Variants in LDLRAD1 observed in about 807,000 individuals in gnomAD.
LDLRAD1 encodes low density lipoprotein receptor class A domain containing 1, also known as low-density lipoprotein receptor class A domain-containing protein 1.
Under a neutral mutation model 24.8 loss-of-function variants are expected in LDLRAD1, and 17 were observed. That is an observed-to-expected ratio of 0.69 (90% confidence interval 0.47 to 1.03). The LOEUF is 1.03. LDLRAD1 is among the 50% of genes least tolerant of loss of function. The pLI, the probability that LDLRAD1 is intolerant of heterozygous loss-of-function variation, is 0.00. For missense variants in LDLRAD1, 277 were observed against 271.0 expected, an observed-to-expected ratio of 1.02 and a Z score of -0.16; for synonymous variants, 103 against 108.2, an observed-to-expected ratio of 0.95 and a Z score of 0.30.
intron 3 of LDLRAD1, among the ~76,000 whole-genome samples, chr1:54,013,859 C>T (rs969163807): frequency 1.3e-5 from 2 of 152,068 alleles, no homozygotes; most frequent in Non-Finnish European, 2.9e-5. Context: ...GTCACCCGGT[C>T]CCCTGTGGTG....
At chr1:54,013,943 G>T (rs193289027) in intron 3 of LDLRAD1, among the ~76,000 whole-genome samples, 1 of 152,038 alleles carries the variant, frequency 6.6e-6, no homozygotes, top group Non-Finnish European at 1.5e-5. Context: ...AGGGACTGGG[G>T]GGCTGAGAAG....
chr1:54,012,373 G>T, intron 3 of LDLRAD1, 93 bp from the exon 4 acceptor site: 2 of 1,411,720 alleles, frequency 1.4e-6, no homozygotes, highest in Non-Finnish European at 2.0e-6. Context: ...CTGGCCTGAG[G>T]GGCTGGGGCA....
At position 54,008,973 on chromosome 1, in the gene LDLRAD1, G is replaced by A; in HGVS notation, c.*9C>T. 2 of 1,609,468 alleles carry A rather than the reference G, an allele frequency of 1.2e-6. No homozygotes were observed. The highest frequency in any genetic ancestry group is 1.7e-6 in the Non-Finnish European group (2 of 1,176,898). On this transcript the variant is annotated 3_prime_UTR_variant, in exon 6 of 6. Coordinates refer to ENST00000371360, the MANE Select transcript of LDLRAD1 (RefSeq NM_001010978.4). ...CAGCCAGCCTTCCATGCTGGCCTGA[G>A]TGGCCCACTCAGGGTCCGGGACAGG... is the stretch of plus-strand genomic sequence containing the variant.
intron 3 of LDLRAD1, among the ~76,000 whole-genome samples, chr1:54,013,945 G>T (rs1210849041): frequency 1.3e-5 from 2 of 151,882 alleles, no homozygotes; most frequent in Non-Finnish European, 1.5e-5. Flanking sequence ...GGACTGGGGG[G>T]CTGAGAAGAG....
At chr1:54,013,202 C>T (rs748769664) in intron 3 of LDLRAD1, among the ~76,000 whole-genome samples, 2 of 152,132 alleles carry the variant, frequency 1.3e-5, no homozygotes, top group African/African-American at 2.4e-5. Context: ...TGTGCACACA[C>T]GCACTGACAC....
At position 54,017,360 on chromosome 1, in the gene LDLRAD1, C is replaced by A; in HGVS notation, c.73+16G>T. 1.3e-6 allele frequency: 2 copies of A among 1,589,302 alleles called. No homozygotes were observed. The highest frequency in any genetic ancestry group is 1.7e-6 in the Non-Finnish European group (2 of 1,166,514). ...AGCCCCACAGGGCACTGGCCCCAGGCCCTCCAGTTCTTTACCTTCCCCTCC... is the reference window on the plus strand; with the variant it reads ...AGCCCCACAGGGCACTGGCCCCAGGACCTCCAGTTCTTTACCTTCCCCTCC... On this transcript the variant is annotated intron_variant, in intron 2 of 5. Coordinates refer to ENST00000371360, the MANE Select transcript of LDLRAD1 (RefSeq NM_001010978.4).
At position 54,017,392 on chromosome 1, in the gene LDLRAD1, G is replaced by A; in HGVS notation, c.57C>T (p.Ala19=). 3 of 1,603,562 alleles carry A rather than the reference G, an allele frequency of 1.9e-6. No individual in the cohort carries two copies. The highest frequency in any genetic ancestry group is 1.7e-4 in the Middle Eastern group (1 of 6,030). ...GTTCTTTACCTTCCCCTCCAGGGTG[G>A]GCTTTGGATTCAGCAGCAGTGTAGC... ...ENGYTAAESK[A]HPGGEAGGGH... The change falls in exon 2 of 6, where the codon GCC becomes GCT. Residue 19 remains alanine, a synonymous_variant. Coordinates refer to ENST00000371360, the MANE Select transcript of LDLRAD1 (RefSeq NM_001010978.4).
chr1:54,017,511 G>T, intron 1 of LDLRAD1, 84 bp from the exon 2 acceptor site: 1 of 1,189,404 alleles, frequency 8.4e-7, no homozygotes, highest in Non-Finnish European at 1.2e-6. Context: ...TTTTCAGAGG[G>T]GTCACTGAGA....
chr1:54,008,817 A>G lies in LDLRAD1; in HGVS notation c.*165T>C. 1.5e-6 allele frequency: 1 copy of G among 652,698 alleles called. No individual in the cohort carries two copies. Among genetic ancestry groups the G allele is most frequent in the Non-Finnish European group, 2.6e-6 (1 of 378,084 alleles). The allele number at this position is 652,698 out of a possible 1,614,324, so 40.4% of individuals were successfully genotyped here. On this transcript the variant is annotated 3_prime_UTR_variant, in exon 6 of 6. Transcript: ENST00000371360. The stretch of plus-strand genomic sequence containing the variant: ...CTGGTCATTGGAAGCATTCAAGCAG[A>G]GGCTGAACAACTTGAAAGGAGGAGA...
chr1:54,017,444 A>G lies in LDLRAD1; in HGVS notation c.22-17T>C. 6.3e-7 allele frequency: 1 copy of G among 1,593,762 alleles called. No homozygotes were observed. The highest frequency in any genetic ancestry group is 8.6e-7 in the Non-Finnish European group (1 of 1,168,640). On this transcript the variant is annotated splice_polypyrimidine_tract_variant and intron_variant, in intron 1 of 5. Coordinates refer to ENST00000371360, the MANE Select transcript of LDLRAD1 (RefSeq NM_001010978.4). ...ATTCTCTCCCTGCCCAAGAGAACAGAGTGAGGGGTGGGCTTAGGTGAGGTG... is the reference window on the plus strand; with the variant it reads ...ATTCTCTCCCTGCCCAAGAGAACAGGGTGAGGGGTGGGCTTAGGTGAGGTG...
At chr1:54,010,489 C>G in intron 4 of LDLRAD1, 79 bp from the exon 5 acceptor site, 1 of 1,505,638 alleles carries the variant, frequency 6.6e-7, no homozygotes, top group African/African-American at 1.4e-5. Flanking sequence ...GAGGATTGAC[C>G]ACCCTGGCAG....
chr1:54,015,245 C>T (rs750177996), intron 2 of LDLRAD1, among the ~76,000 whole-genome samples: 5 of 152,134 alleles, frequency 3.3e-5, no homozygotes, highest in Admixed American at 6.5e-5. Flanking sequence ...GCTGGGACAA[C>T]AGGCGTGCAC....
intron 1 of LDLRAD1, 56 bp from the exon 2 acceptor site, chr1:54,017,483 G>A (rs1656359372): frequency 6.8e-7 from 1 of 1,475,806 alleles, no homozygotes; most frequent in Admixed American, 1.9e-5. Flanking sequence ...TCCAGCCTCA[G>A]GGAGGCAGAC....
Position 54,010,552 on chromosome 1 carries a change from G to A in LDLRAD1, c.341-142C>T. The stretch of plus-strand genomic sequence containing the variant: ...CAGCCCAGAAGGGTGCAAGCAGAAG[G>A]TTTCCTGGGGAGGTGGTGGAGTCAG... On this transcript the variant is annotated intron_variant, in intron 4 of 5. Transcript: ENST00000371360. 5 of 753,172 alleles carry A rather than the reference G, an allele frequency of 6.6e-6. No homozygotes were observed. The South Asian group carries it at 8.8e-5, about 13-fold the overall frequency. The allele number at this position is 753,172 out of a possible 1,614,324, so 46.7% of individuals were successfully genotyped here.
Position 54,010,324 on chromosome 1 carries a change from C to T in LDLRAD1, c.427G>A (p.Gly143Ser), listed in dbSNP as rs907645604. Reference protein sequence around the residue: ...SWIYSDQKCDGTNNCGDCSDE... With the variant: ...SWIYSDQKCDSTNNCGDCSDE... The stretch of plus-strand genomic sequence containing the variant: ...GAACAGTCCCCGCAGTTGTTAGTGC[C>T]ATCACATTTTTGGTCTGAGTAGATC... The change falls in exon 5 of 6, where the codon GGC becomes AGC. Residue 143 changes from glycine to serine, a missense_variant. Coordinates refer to ENST00000371360, the MANE Select transcript of LDLRAD1 (RefSeq NM_001010978.4). 1 of 1,614,040 alleles carries T rather than the reference C, an allele frequency of 6.2e-7. No homozygotes were observed. Among genetic ancestry groups the T allele is most frequent in the Non-Finnish European group, 8.5e-7 (1 of 1,179,998 alleles).
intron 1 of LDLRAD1, 97 bp from the exon 2 acceptor site, chr1:54,017,524 G>C: frequency 9.9e-7 from 1 of 1,007,510 alleles, no homozygotes; most frequent in Non-Finnish European, 1.5e-6. Flanking sequence ...CACTGAGAGA[G>C]TCTTAGGTAG....
rs1655887680 is a variant in LDLRAD1, at chr1:54,008,070, G to C, written c.*912C>G. On this transcript the variant is annotated 3_prime_UTR_variant, in exon 6 of 6. Transcript: ENST00000371360. ...CTGTTTAGGCGGGCAGCTGGGCATA[G>C]AGTGGAGGGTGGGGAGTGCTGGGGT... The C allele has an allele frequency of 6.6e-6, 1 of 152,338 alleles. No individual in the cohort carries two copies. Among genetic ancestry groups the C allele is most frequent in the Non-Finnish European group, 1.5e-5 (1 of 68,132 alleles). The allele number at this position is 152,338 out of a possible 1,614,324, so 9.4% of individuals were successfully genotyped here.
intron 3 of LDLRAD1, 148 bp from the exon 4 acceptor site, chr1:54,012,428 G>C (rs1437579026): frequency 1.2e-5 from 10 of 803,246 alleles, no homozygotes; most frequent in Non-Finnish European, 2.0e-5. Context: ...TCAAGCCCCA[G>C]CTGTACCCGC....
At chr1:54,011,412 C>T (rs553275762) in intron 4 of LDLRAD1, among the ~76,000 whole-genome samples, 5 of 152,020 alleles carry the variant, frequency 3.3e-5, no homozygotes, top group Non-Finnish European at 7.4e-5. Context: ...TGGGTGGCCT[C>T]GGTTGGGCTT....
Sources: allele counts gnomAD v4.1 joint callset (sites outside exome capture counted in the v4.1 genomes callset), GRCh38; gene constraint gnomAD v4.1.1; transcripts MANE v1.5; gene names NCBI Gene and HGNC (gene_info 2026-07-23, HGNC 2026-07-21).